KIF7: variants seen among roughly 807,000 people sequenced by gnomAD.
KIF7 encodes the protein kinesin family member 7, also known as kinesin-like protein KIF7.
KIF7 carries 104 observed loss-of-function variants against 135.7 expected under a neutral mutation model. The observed-to-expected ratio is 0.77, with a 90% CI of 0.65 to 0.90. KIF7 has a LOEUF of 0.90. Among genes scored for constraint, KIF7 ranks in the 40% least tolerant of loss-of-function variants. The probability of loss-of-function intolerance (pLI) is 0.00; values close to 1 mark genes in which losing one functional copy is unlikely to be tolerated. For synonymous variants in KIF7, 883 were observed against 809.4 expected, an observed-to-expected ratio of 1.09 and a Z score of -1.54; for missense variants, 2,005 against 1,839.1, an observed-to-expected ratio of 1.09 and a Z score of -1.65.
chr15:89,617,837 G>A (rs1245641526), intron 2 of KIF7, among the ~76,000 whole-genome samples: 8 of 152,018 alleles, frequency 5.3e-5, no homozygotes, highest in Admixed American at 3.9e-4. Flanking sequence ...GACTACAGGC[G>A]CATGCCACCA....
At chr15:89,624,664 T>A, downstream of KIF7, 1 of 1,614,070 alleles carries the variant, frequency 6.2e-7, no homozygotes, top group Non-Finnish European at 8.5e-7. Flanking sequence ...TTGGCATGCA[T>A]CCTCTCCTCT....
At chr15:89,622,007 GAC>G (rs1243567680) in intron 1 of KIF7, among the ~76,000 whole-genome samples, 2 of 66,796 alleles carry the variant, frequency 3.0e-5, no homozygotes, top group Non-Finnish European at 6.5e-5. Context: ...TTTTTTTGGA[GAC>G]AGAGTCTTAC....
chr15:89,660,449 A>G (rs1964246235), upstream of KIF7, among the ~76,000 whole-genome samples: 1 of 152,242 alleles, frequency 6.6e-6, no homozygotes, highest in African/African-American at 2.4e-5. Context: ...GTGTGGAGGC[A>G]TGCCATTCTC....
In KIF7 at chr15:89,648,537, G is replaced by C; in HGVS notation, c.1161C>G (p.Arg387=). 1 of 1,252,266 alleles carries C rather than the reference G, an allele frequency of 8.0e-7. No individual in the cohort carries two copies. Among genetic ancestry groups the C allele is most frequent in the Non-Finnish European group, 1.0e-6 (1 of 992,280 alleles). 77.6% of individuals were successfully genotyped at this position (1,252,266 alleles called of 1,614,324 possible). ...TGGCTGGGCCTGGGGCGCGCCGGCCGCGGTGGATGATGCGGGTCTCGGAGC... is the reference window on the plus strand; with the variant it reads ...TGGCTGGGCCTGGGGCGCGCCGGCCCCGGTGGATGATGCGGGTCTCGGAGC... The part of the protein sequence containing the change: ...RHRSETRIIH[R]GRRAPGPATA... The change falls in exon 5 of 19, where the codon CGC becomes CGG. Residue 387 remains arginine (R), a synonymous_variant. Coordinates refer to ENST00000394412, the MANE Select transcript of KIF7 (RefSeq NM_198525.3).
intron 1 of KIF7, among the ~76,000 whole-genome samples, chr15:89,619,204 C>T (rs1365731883): frequency 7.3e-5 from 11 of 150,726 alleles, no homozygotes; most frequent in Admixed American, 2.6e-4. Context: ...TACTTGTTTT[C>T]GCCCTACACC....
upstream of KIF7, among the ~76,000 whole-genome samples, chr15:89,657,631 ATAAT>A (rs1964221435): frequency 6.6e-6 from 1 of 152,214 alleles, no homozygotes; most frequent in South Asian, 2.1e-4. Context: ...AAGAACTGGA[ATAAT>A]TATTTTGTGG....
In KIF7 at chr15:89,648,265, C is replaced by T. The variant is rs1040813926; in HGVS notation, c.1433G>A (p.Gly478Asp). 2.6e-6 allele frequency: 4 copies of T among 1,517,480 alleles called. No individual in the cohort carries two copies. In the Admixed American group the frequency reaches 8.0e-5, roughly 30 times the overall value. 94.0% of individuals were successfully genotyped at this position (1,517,480 alleles called of 1,614,324 possible). A position where few individuals can be genotyped will look rare whatever the true frequency, so the allele number is the denominator to read the frequency against. The change falls in exon 5 of 19, where the codon GGC becomes GAC. Residue 478 changes from glycine (G) to aspartate (D), a missense_variant. Transcript: ENST00000394412. ...SVEDQAAQGA[G>D]GRKEDEGAQQ... ...CTGTCCCTCGGCCACCTTTCGCCCG[C>T]CGGCCCCCTGCGCCGCCTGGTCCTC... is the stretch of plus-strand genomic sequence containing the variant.
intron 2 of KIF7, among the ~76,000 whole-genome samples, chr15:89,651,955 A>G (rs1964130485): frequency 6.6e-6 from 1 of 152,206 alleles, no homozygotes; most frequent in Non-Finnish European, 1.5e-5. Flanking sequence ...GTAAGGAAGA[A>G]GGCCCTTCAA....
intron 17 of KIF7, 108 bp downstream of exon 17, chr15:89,629,267 G>C (rs1176045173): frequency 8.3e-7 from 1 of 1,212,026 alleles, no homozygotes; most frequent in African/African-American, 1.7e-5. Flanking sequence ...TGCAGGGGCT[G>C]TGAGTGGCAG....
At chr15:89,632,182 C>G (rs530286556) in intron 14 of KIF7, among the ~76,000 whole-genome samples, 1 of 152,194 alleles carries the variant, frequency 6.6e-6, no homozygotes, top group Non-Finnish European at 1.5e-5. Flanking sequence ...AGGAGCAAGG[C>G]TCCTGGCCTC....
At chr15:89,630,638 G>A (rs2141996493) in intron 15 of KIF7, 145 bp from the exon 16 acceptor site, 2 of 721,510 alleles carry the variant, frequency 2.8e-6, no homozygotes, top group East Asian at 2.7e-5. Context: ...ATCGAGAGAG[G>A]TGCCCCCTGC....
chr15:89,654,536 C>T (rs561897860), intron 1 of KIF7, among the ~76,000 whole-genome samples: 3 of 152,168 alleles, frequency 2.0e-5, no homozygotes, highest in Admixed American at 1.3e-4. Flanking sequence ...CACCACGACA[C>T]GCACACAACC....
upstream of KIF7, among the ~76,000 whole-genome samples, chr15:89,655,768 G>A (rs1479446833): frequency 6.6e-6 from 1 of 152,180 alleles, no homozygotes; most frequent in African/African-American, 2.4e-5. Flanking sequence ...CACGCCTCCT[G>A]CACGCCACTC....
At chr15:89,635,052 C>T (rs1567060834) in intron 11 of KIF7, among the ~76,000 whole-genome samples, 2 of 152,232 alleles carry the variant, frequency 1.3e-5, no homozygotes, top group Admixed American at 6.5e-5. Context: ...GGGAGGCACC[C>T]CCCAGCAGGG....
intron 9 of KIF7, 28 bp downstream of exon 9, chr15:89,645,307 AG>A: frequency 6.2e-7 from 1 of 1,602,696 alleles, no homozygotes; most frequent in South Asian, 1.1e-5. Flanking sequence ...AGTGGGGAGG[AG>A]GCCCTCTCTG....
intron 6 of KIF7, among the ~76,000 whole-genome samples, chr15:89,647,395 G>A (rs1218620875): frequency 6.6e-6 from 1 of 152,034 alleles, no homozygotes; most frequent in Admixed American, 6.6e-5. Context: ...CAGCAAAGCT[G>A]CCCTGCCTGG....
At chr15:89,631,422 G>A in intron 15 of KIF7, 73 bp downstream of exon 15, 1 of 1,355,196 alleles carries the variant, frequency 7.4e-7, no homozygotes, top group East Asian at 2.5e-5. Flanking sequence ...GAGGGCTGGA[G>A]CAAGGGCTGA....
upstream of KIF7, among the ~76,000 whole-genome samples, chr15:89,660,066 C>T (rs1246860580): frequency 2.0e-5 from 3 of 152,208 alleles, no homozygotes; most frequent in East Asian, 3.9e-4. Context: ...GGCGTGGTGG[C>T]GAGCGCCTGT....
Position 89,632,876 on chromosome 15 carries a change from CCTT to C in KIF7, c.2836_2838del (p.Lys946del), listed in dbSNP as rs748140280. ...CCCGTCTTCTCCTGCATCAGGGCCT[CCTT>C]CTTGGCCAGGATGGCCTCCCGCTTG... On this transcript the variant is annotated inframe_deletion, in exon 14 of 19. Transcript: ENST00000394412. 1.4e-5 allele frequency: 23 copies of C among 1,610,276 alleles called. No homozygotes were observed. In the Admixed American group the frequency reaches 1.5e-4, roughly 11 times the overall value.
Sources: allele counts gnomAD v4.1 joint callset (sites outside exome capture counted in the v4.1 genomes callset), GRCh38; gene constraint gnomAD v4.1.1; transcripts MANE v1.5; gene names NCBI Gene and HGNC (gene_info 2026-07-23, HGNC 2026-07-21).